TIAM1: variants seen among roughly 807,000 people sequenced by gnomAD.
TIAM1 encodes the protein rho guanine nucleotide exchange factor TIAM1.
A neutral mutation model predicts 163.5 loss-of-function variants in TIAM1; 65 were observed. The observed-to-expected ratio is 0.40, with a 90% CI of 0.33 to 0.49. The LOEUF (loss-of-function observed/expected upper bound fraction) is 0.49, where lower values mean the gene tolerates loss of function less well. Ranked by LOEUF, TIAM1 falls within the 20% of genes least tolerant of loss-of-function variation. The probability of loss-of-function intolerance (pLI) is 0.77; values close to 1 mark genes in which losing one functional copy is unlikely to be tolerated. For synonymous variants in TIAM1, 833 were observed against 810.1 expected, an observed-to-expected ratio of 1.03 and a Z score of -0.48; for missense variants, 1,789 against 2,044.7, an observed-to-expected ratio of 0.87 and a Z score of 2.41.
rs150436000 is a variant in TIAM1, at chr21:31,129,367, G to A, written c.4045+846C>T. The stretch of plus-strand genomic sequence containing the variant: ...ACCCAACAACTCACTTCACTGCTAT[G>A]TGGATCACAGAAAAAGAATCAACAT... On this transcript the variant is annotated intron_variant, in intron 25 of 27. Coordinates refer to ENST00000541036, the MANE Select transcript of TIAM1 (RefSeq NM_001353694.2). 3.4e-3 allele frequency among the ~76,000 whole-genome samples: 522 copies of A among 152,340 alleles called. 1 individual carries two copies. The highest frequency in any genetic ancestry group is 0.012 in the African/African-American group (500 of 41,584).
intron 15 of TIAM1, among the ~76,000 whole-genome samples, chr21:31,177,765 C>T (rs1017108268): frequency 6.6e-6 from 1 of 152,152 alleles, no homozygotes; most frequent in African/African-American, 2.4e-5. Flanking sequence ...AAAGCTAATC[C>T]CATACTCACT....
chr21:31,394,165 C>A, intron 2 of TIAM1, among the ~76,000 whole-genome samples: 1 of 151,978 alleles, frequency 6.6e-6, no homozygotes, highest in East Asian at 1.9e-4. Flanking sequence ...GAATATTATC[C>A]GGCACTGAGA....
At chr21:31,311,319 A>G (rs1319821609) in intron 2 of TIAM1, among the ~76,000 whole-genome samples, 2 of 152,154 alleles carry the variant, frequency 1.3e-5, no homozygotes, top group Non-Finnish European at 2.9e-5. Flanking sequence ...AACAATTCAT[A>G]TTACTAAGAA....
chr21:31,250,151 GAAAAAAAAAAAAA>G (rs755928120), intron 5 of TIAM1, among the ~76,000 whole-genome samples: 1 of 58,866 alleles, frequency 1.7e-5, no homozygotes, highest in Non-Finnish European at 3.7e-5. Context: ...GTCTCAAACA[GAAAAAAAAAAAAA>G]AAAAAAAGAA....
intron 19 of TIAM1, among the ~76,000 whole-genome samples, chr21:31,147,787 A>AAAATATATAT (rs1555868374): frequency 6.4e-5 from 9 of 139,846 alleles, no homozygotes; most frequent in African/African-American, 2.4e-4. Context: ...ATTATATTAA[A>AAAATATATAT]ATATATATAT....
intron 1 of TIAM1, among the ~76,000 whole-genome samples, chr21:31,545,765 T>C (rs529689632): frequency 6.6e-6 from 1 of 152,334 alleles, no homozygotes; most frequent in African/African-American, 2.4e-5. Context: ...CTTTCTCATC[T>C]TTGTTCACTC....
At chr21:31,370,022 C>T (rs2076569751) in intron 2 of TIAM1, among the ~76,000 whole-genome samples, 1 of 152,162 alleles carries the variant, frequency 6.6e-6, no homozygotes, top group Non-Finnish European at 1.5e-5. Context: ...AGACCCCTTT[C>T]CCTTCCACCA....
chr21:31,266,091 A>C lies in TIAM1; in HGVS notation c.882T>G (p.Ser294=), dbSNP rs1289064162. Residue 294 remains serine (S), a synonymous_variant, in exon 4 of 28, where the codon TCT becomes TCG. Transcript: ENST00000541036. ...SNYNTLPCRK[S]HCLSEGATNP... is the part of the protein sequence containing the mutation. ...TGGTGGCACCTTCAGAGAGACAGTG[A>C]GATTTCCTACAGGGAAGTGTGTTAT... 3.1e-6 allele frequency: 5 copies of C among 1,614,232 alleles called. No homozygotes were observed. The highest frequency in any genetic ancestry group is 3.4e-6 in the Non-Finnish European group (4 of 1,180,044).
rs544306399 is a variant in TIAM1, at chr21:31,502,037, C to T, written c.-421-38002G>A. ...AAGAGCAGGCACTGCCTTGTCCATC[C>T]TATTTATTCTCCCCCAGGTTTCACT... On this transcript the variant is annotated intron_variant, in intron 1 of 28. Coordinates refer to the TIAM1 transcript ENST00000286827. Among the ~76,000 whole-genome samples the T allele has an allele frequency of 1.3e-3, 198 of 152,332 alleles. 1 individual carries two copies. Among genetic ancestry groups the T allele is most frequent in the African/African-American group, 4.6e-3 (190 of 41,572 alleles).
chr21:31,295,326 T>C (rs538438408), intron 2 of TIAM1, among the ~76,000 whole-genome samples: 70 of 152,036 alleles, frequency 4.6e-4, no homozygotes, highest in South Asian at 1.0e-3. Flanking sequence ...AAAAATTAGT[T>C]GGGCGTGGTG....
chr21:31,230,361 C>G (rs2088339554), intron 6 of TIAM1, among the ~76,000 whole-genome samples: 1 of 151,624 alleles, frequency 6.6e-6, no homozygotes, highest in African/African-American at 2.4e-5. Flanking sequence ...TTAGGAAGAA[C>G]ACAGTCATTT....
At chr21:31,477,350 T>A (rs2045964409) in intron 1 of TIAM1, among the ~76,000 whole-genome samples, 1 of 152,194 alleles carries the variant, frequency 6.6e-6, no homozygotes, top group Non-Finnish European at 1.5e-5. Flanking sequence ...AATGCCTGAA[T>A]AAGAAATCAC....
rs551690393 is a variant in TIAM1, at chr21:31,223,652, C to A, written c.1810-61G>T. On this transcript the variant is annotated intron_variant, in intron 7 of 27. Transcript: ENST00000541036. ...GAAAATGGGAAACAAATGCTAATAT[C>A]TTTATCCTATACAGATCTATATGTC... is the stretch of plus-strand genomic sequence containing the variant. The A allele has an allele frequency of 8.5e-6, 13 of 1,524,372 alleles. No individual in the cohort carries two copies. In the Admixed American group the frequency reaches 2.0e-4, roughly 23 times the overall value. The allele number at this position is 1,524,372 out of a possible 1,614,324, so 94.4% of individuals were successfully genotyped here. A position where few individuals can be genotyped will look rare whatever the true frequency, so the allele number is the denominator to read the frequency against.
intron 2 of TIAM1, among the ~76,000 whole-genome samples, chr21:31,314,153 A>G (rs534073917): frequency 6.6e-6 from 1 of 152,346 alleles, no homozygotes; most frequent in East Asian, 1.9e-4. Flanking sequence ...ACCATTTCTC[A>G]CTTACAAATG....
intron 2 of TIAM1, among the ~76,000 whole-genome samples, chr21:31,462,308 G>C (rs1602338453): frequency 1.3e-5 from 2 of 152,158 alleles, no homozygotes; most frequent in Non-Finnish European, 1.5e-5. Context: ...GCTGTGATTT[G>C]CTGACCCCTG....
At chr21:31,452,092 T>C (rs1163085602) in intron 2 of TIAM1, among the ~76,000 whole-genome samples, 1 of 152,170 alleles carries the variant, frequency 6.6e-6, no homozygotes. Flanking sequence ...AAATGATCCA[T>C]GTTCTTGTAT....
rs374228824 is a variant in TIAM1 at position 31,425,659 on chromosome 21, T to C, written c.-369+38324A>G. Among the ~76,000 whole-genome samples the C allele has an allele frequency of 4.6e-4, 63 of 136,664 alleles. No individual in the cohort carries two copies. In the East Asian group the frequency reaches 5.8e-3, roughly 13 times the overall value. 89.7% of individuals were successfully genotyped at this position (136,664 alleles called of 152,430 possible). On this transcript the variant is annotated intron_variant, in intron 2 of 28. Coordinates refer to the TIAM1 transcript ENST00000286827. ...CCTCCCTCTCTCCCTCTTTCTTTCTTTCTCTCTCTCTTTCTTTCTCTCTCT... is the reference window on the plus strand; with the variant it reads ...CCTCCCTCTCTCCCTCTTTCTTTCTCTCTCTCTCTCTTTCTTTCTCTCTCT...
At chr21:31,384,210 T>C (rs1160667282) in intron 2 of TIAM1, among the ~76,000 whole-genome samples, 1 of 151,620 alleles carries the variant, frequency 6.6e-6, no homozygotes, top group Non-Finnish European at 1.5e-5. Flanking sequence ...CAAGGAAATA[T>C]ATAACATCTG....
At position 31,446,183 on chromosome 21, in the gene TIAM1, C is replaced by T. The variant is rs191914215; in HGVS notation, c.-369+17800G>A. Among the ~76,000 whole-genome samples, 402 of 151,592 alleles carry T rather than the reference C, an allele frequency of 2.7e-3. 2 individuals carry two copies. Among genetic ancestry groups the T allele is most frequent in the African/African-American group, 8.9e-3 (366 of 41,294 alleles). On this transcript the variant is annotated intron_variant, in intron 2 of 28. Coordinates refer to the TIAM1 transcript ENST00000286827. ...CTTGAACTCCTGACCTCAGGTGATC[C>T]ACCTGCCTCAGCCTCCCAAAGTTCT...
Sources: gnomAD v4.1 joint callset for allele counts (sites outside exome capture counted in the v4.1 genomes callset) on GRCh38, gnomAD v4.1.1 for gene constraint, MANE v1.5 for transcripts, NCBI Gene and HGNC (gene_info 2026-07-23, HGNC 2026-07-21) for gene names.